The following SLIT2 variants were observed in gnomAD, a reference collection of about 807,000 sequenced individuals.
The protein encoded by SLIT2 is slit homolog 2 protein.
A neutral mutation model predicts 185.7 loss-of-function variants in SLIT2; 41 were observed. That is an observed-to-expected ratio of 0.22 (90% CI 0.17 to 0.29). The LOEUF is 0.29. Among genes scored for constraint, SLIT2 ranks in the 10% least tolerant of loss-of-function variants. SLIT2 has a pLI of 1.00. For synonymous variants in SLIT2, 693 were observed against 680.2 expected, an observed-to-expected ratio of 1.02 and a Z score of -0.29; for missense variants, 1,571 against 1,909.0, an observed-to-expected ratio of 0.82 and a Z score of 3.30.
At chr4:20,294,160 C>G (rs558297647) in intron 4 of SLIT2, among the ~76,000 whole-genome samples, 1 of 151,954 alleles carries the variant, frequency 6.6e-6, no homozygotes, top group African/African-American at 2.4e-5. Context: ...CTAGCCTGGC[C>G]AACATGACGA....
intron 5 of SLIT2, 41 bp from the exon 6 acceptor site, chr4:20,480,675 G>C (rs376838034): frequency 5.4e-5 from 81 of 1,489,282 alleles, no homozygotes; most frequent in Non-Finnish European, 7.2e-5. Context: ...CCCAGCTACT[G>C]TCCATCCCTT....
In SLIT2 at chr4:20,251,996, A is replaced by AGGCGGCGGC. The variant is rs552851809; in HGVS notation, c.-1805_-1797dup. 2.5e-4 allele frequency among the ~76,000 whole-genome samples: 38 copies of AGGCGGCGGC among 151,110 alleles called. No individual in the cohort carries two copies. The highest frequency in any genetic ancestry group is 5.6e-4 in the African/African-American group (23 of 41,324). On this transcript the variant is annotated 5_prime_UTR_variant, in exon 1 of 37. Transcript: ENST00000504154. ...CCGCAGACTGTGGTTAAAAAAAAGA[A>AGGCGGCGGC]GGCGGCGGCGGCGGCGGCGGCGGAG...
intron 32 of SLIT2, among the ~76,000 whole-genome samples, chr4:20,598,003 CAAAG>C (rs1227877308): frequency 1.3e-5 from 2 of 152,176 alleles, no homozygotes; most frequent in Non-Finnish European, 2.9e-5. Context: ...AAATCTGCAG[CAAAG>C]AAAGTTCTAA....
At position 20,471,328 on chromosome 4, in the gene SLIT2, T is replaced by C. The variant is rs376204211; in HGVS notation, c.467+3505T>C. ...TGGTAAAATATATTATAACTGAGGG[T>C]AAATTTAATTCCTATTATTGTGAAA... On this transcript the variant is annotated intron_variant, in intron 5 of 36. Coordinates refer to ENST00000504154, the MANE Select transcript of SLIT2 (RefSeq NM_004787.4). Among the ~76,000 whole-genome samples the C allele has an allele frequency of 8.5e-5, 13 of 152,234 alleles. No individual in the cohort carries two copies. The East Asian group carries it at 2.3e-3, about 27-fold the overall frequency.
chr4:20,322,107 A>G (rs1347642207), intron 4 of SLIT2, among the ~76,000 whole-genome samples: 1 of 152,180 alleles, frequency 6.6e-6, no homozygotes, highest in Non-Finnish European at 1.5e-5. Context: ...GCCAGATTCC[A>G]GACTTGTATT....
intron 4 of SLIT2, among the ~76,000 whole-genome samples, chr4:20,380,468 A>G (rs1475106172): frequency 6.6e-6 from 1 of 152,154 alleles, no homozygotes; most frequent in Non-Finnish European, 1.5e-5. Flanking sequence ...AAAAAGTTTC[A>G]GATAGCACTG....
chr4:20,376,115 C>CTTTTTTTTTT (rs71653881), intron 4 of SLIT2, among the ~76,000 whole-genome samples: 1 of 79,654 alleles, frequency 1.3e-5, no homozygotes, highest in Non-Finnish European at 2.3e-5. Context: ...CATTGTTTAA[C>CTTTTTTTTTT]TTTTTTTTTT....
At chr4:20,258,383 TACTAATAAAGATTTAC>T (rs1712084864) in intron 3 of SLIT2, among the ~76,000 whole-genome samples, 1 of 151,828 alleles carries the variant, frequency 6.6e-6, no homozygotes, top group Admixed American at 6.6e-5. Flanking sequence ...TTTTATATTT[TACTAATAAAGATTTAC>T]TTTTTTATAT....
At chr4:20,535,896 C>A (rs1012448988) in intron 18 of SLIT2, among the ~76,000 whole-genome samples, 1 of 152,096 alleles carries the variant, frequency 6.6e-6, no homozygotes, top group Non-Finnish European at 1.5e-5. Context: ...CATTAGGCAA[C>A]GTTGCCATTG....
intron 4 of SLIT2, among the ~76,000 whole-genome samples, chr4:20,466,578 G>T (rs1204612450): frequency 6.6e-6 from 1 of 152,066 alleles, no homozygotes; most frequent in African/African-American, 2.4e-5. Context: ...TGCTAATAAG[G>T]TCAAGACCAC....
At chr4:20,430,009 A>C (rs1296528787) in intron 4 of SLIT2, among the ~76,000 whole-genome samples, 1 of 152,222 alleles carries the variant, frequency 6.6e-6, no homozygotes, top group East Asian at 1.9e-4. Context: ...ACTAAAATTA[A>C]GCTAACCAGG....
Position 20,268,831 on chromosome 4 carries a change from T to G in SLIT2, c.345T>G (p.Leu115=). 6.2e-7 allele frequency: 1 copy of G among 1,611,230 alleles called. No individual in the cohort carries two copies. The highest frequency in any genetic ancestry group is 1.1e-5 in the South Asian group (1 of 91,008). ...AAAGGCGTTTAAACAGAAATCACCT[T>G]CAGCTGTTTCCTGAGTTGCTGTTTC... ...LERLRLNRNH[L]QLFPELLFLG... The change falls in exon 4 of 37, where the codon CTT becomes CTG. Residue 115 remains leucine (L), a synonymous_variant. Transcript: ENST00000504154.
chr4:20,435,055 G>T lies in SLIT2; in HGVS notation c.396-32697G>T, dbSNP rs562056690. 4.6e-5 allele frequency among the ~76,000 whole-genome samples: 7 copies of T among 152,274 alleles called. No individual in the cohort carries two copies. The South Asian group carries it at 1.2e-3, about 27-fold the overall frequency. Reference sequence around the variant, plus strand: ...TCTTCTATTAGTGGACATTTAACTTGTTTTATACATTTATTAAAATAAAAA... The same window carrying T: ...TCTTCTATTAGTGGACATTTAACTTTTTTTATACATTTATTAAAATAAAAA... On this transcript the variant is annotated intron_variant, in intron 4 of 36. Transcript: ENST00000504154.
chr4:20,441,853 A>G (rs1396825495), intron 4 of SLIT2, among the ~76,000 whole-genome samples: 3 of 152,182 alleles, frequency 2.0e-5, no homozygotes, highest in Admixed American at 6.5e-5. Flanking sequence ...TGAGGTCTAT[A>G]AAGTATTTTT....
At chr4:20,415,428 A>AAG (rs1264377100) in intron 4 of SLIT2, among the ~76,000 whole-genome samples, 1 of 151,640 alleles carries the variant, frequency 6.6e-6, no homozygotes, top group Non-Finnish European at 1.5e-5. Context: ...AAAAAAAAAA[A>AAG]AAAAAGGCTT....
At chr4:20,353,307 A>G (rs545454926) in intron 4 of SLIT2, among the ~76,000 whole-genome samples, 229 of 152,298 alleles carry the variant, frequency 1.5e-3, no homozygotes, top group African/African-American at 5.0e-3. Context: ...CATGATGAAA[A>G]TTATAGAATT....
intron 9 of SLIT2, among the ~76,000 whole-genome samples, chr4:20,503,711 T>G (rs1291365759): frequency 6.6e-6 from 1 of 152,162 alleles, no homozygotes; most frequent in East Asian, 1.9e-4. Flanking sequence ...CTTAAATGCT[T>G]AAAGACCAAA....
intron 4 of SLIT2, among the ~76,000 whole-genome samples, chr4:20,281,762 A>G (rs1714797449): frequency 6.6e-6 from 1 of 152,212 alleles, no homozygotes. Context: ...CCACCACACC[A>G]TCCCTTGGAA....
intron 4 of SLIT2, among the ~76,000 whole-genome samples, chr4:20,292,003 A>G (rs1716000971): frequency 6.6e-6 from 1 of 151,884 alleles, no homozygotes; most frequent in Admixed American, 6.6e-5. Context: ...GAGAATGGAT[A>G]GACTATGGCT....
Sources: allele counts gnomAD v4.1 joint callset (sites outside exome capture counted in the v4.1 genomes callset), GRCh38; gene constraint gnomAD v4.1.1; transcripts MANE v1.5; gene names NCBI Gene and HGNC (gene_info 2026-07-23, HGNC 2026-07-21).